The following SENP7 variants were observed in gnomAD, a reference collection of about 807,000 sequenced individuals.
SENP7 encodes sentrin-specific protease 7.
SENP7 carries 64 observed loss-of-function variants against 141.2 expected under a neutral mutation model. That is an observed-to-expected ratio of 0.45 (90% CI 0.37 to 0.56). SENP7 has a LOEUF of 0.56. Ranked by LOEUF, SENP7 falls within the 20% of genes least tolerant of loss-of-function variation. The probability of loss-of-function intolerance (pLI) is 0.00; values close to 1 mark genes in which losing one functional copy is unlikely to be tolerated. For missense variants in SENP7, 1,025 were observed against 1,212.2 expected, an observed-to-expected ratio of 0.85 and a Z score of 2.29; for synonymous variants, 382 against 426.4, an observed-to-expected ratio of 0.90 and a Z score of 1.28.
At chr3:101,377,593 T>A (rs1336736100) in intron 6 of SENP7, among the ~76,000 whole-genome samples, 1 of 152,162 alleles carries the variant, frequency 6.6e-6, no homozygotes, top group Non-Finnish European at 1.5e-5. Flanking sequence ...AAGGAAAACA[T>A]TTTCAAATAT....
At chr3:101,512,989 T>G in intron 1 of SENP7, 102 bp downstream of exon 1, 16 of 1,097,698 alleles carry the variant, frequency 1.5e-5, no homozygotes, top group Non-Finnish European at 1.9e-5. Flanking sequence ...GCCCCCGCCC[T>G]CGCCCCCGCG....
intron 3 of SENP7, among the ~76,000 whole-genome samples, chr3:101,491,995 G>C (rs537067561): frequency 1.3e-5 from 2 of 152,328 alleles, no homozygotes; most frequent in East Asian, 3.9e-4. Flanking sequence ...GGGAGGCTGA[G>C]GCAGGAGAAT....
At chr3:101,367,579 GA>G (rs2060069902) in intron 8 of SENP7, among the ~76,000 whole-genome samples, 1 of 152,018 alleles carries the variant, frequency 6.6e-6, no homozygotes, top group Non-Finnish European at 1.5e-5. Flanking sequence ...AGGAAAGAGC[GA>G]TACAAGAAAA....
At chr3:101,499,535 A>ATTTTTT (rs55855998) in intron 2 of SENP7, among the ~76,000 whole-genome samples, 51 of 138,718 alleles carry the variant, frequency 3.7e-4, no homozygotes, top group African/African-American at 6.3e-4. Flanking sequence ...TGCCCAGCTA[A>ATTTTTT]TTTTTTTTTT....
At chr3:101,426,483 ATT>A (rs59964136) in intron 4 of SENP7, among the ~76,000 whole-genome samples, 192 of 143,164 alleles carry the variant, frequency 1.3e-3, no homozygotes, top group African/African-American at 2.0e-3. Context: ...GAGAAATAAG[ATT>A]TTTTTTTTTT....
At chr3:101,336,269 C>T (rs1003841638) in intron 17 of SENP7, among the ~76,000 whole-genome samples, 2 of 152,154 alleles carry the variant, frequency 1.3e-5, no homozygotes, top group African/African-American at 2.4e-5. Flanking sequence ...ATTAGTGTCC[C>T]TATTCCTACC....
intron 6 of SENP7, among the ~76,000 whole-genome samples, chr3:101,375,319 G>A (rs2060290616): frequency 6.6e-6 from 1 of 151,866 alleles, no homozygotes; most frequent in Non-Finnish European, 1.5e-5. Flanking sequence ...GAGGCGGGCG[G>A]ATCACCTGAG....
At chr3:101,422,152 C>A (rs372593798) in intron 4 of SENP7, among the ~76,000 whole-genome samples, 1 of 152,044 alleles carries the variant, frequency 6.6e-6, no homozygotes, top group Non-Finnish European at 1.5e-5. Context: ...ACTTCACATG[C>A]GAGGGATCTA....
chr3:101,459,764 G>A (rs920302396), intron 3 of SENP7, among the ~76,000 whole-genome samples: 7 of 152,104 alleles, frequency 4.6e-5, no homozygotes, highest in African/African-American at 1.4e-4. Flanking sequence ...TGTAGTCCAC[G>A]ATTCGCAATA....
chr3:101,372,258 TA>T (rs532238701), intron 6 of SENP7, 132 bp from the exon 7 acceptor site: 242 of 433,402 alleles, frequency 5.6e-4, no homozygotes, highest in African/African-American at 2.4e-3. Flanking sequence ...ATCTGGGTAG[TA>T]AAAAAAATAT....
chr3:101,413,744 G>A, intron 5 of SENP7, among the ~76,000 whole-genome samples: 1 of 150,850 alleles, frequency 6.6e-6, no homozygotes. Context: ...GGAGGGGGGG[G>A]ATAGTTTCCA....
intron 4 of SENP7, among the ~76,000 whole-genome samples, chr3:101,424,310 A>G (rs2061882711): frequency 7.8e-6 from 1 of 128,834 alleles, no homozygotes; most frequent in African/African-American, 3.0e-5. Flanking sequence ...GCCCATGGCA[A>G]CCCACCCCCC....
chr3:101,512,650 T>A (rs959076728), intron 1 of SENP7, among the ~76,000 whole-genome samples: 5 of 152,060 alleles, frequency 3.3e-5, no homozygotes, highest in African/African-American at 1.2e-4. Flanking sequence ...AGCAGCTACC[T>A]GCTGAGGGAA....
chr3:101,327,016 T>C (rs1200497914), intron 23 of SENP7, among the ~76,000 whole-genome samples: 2 of 152,150 alleles, frequency 1.3e-5, no homozygotes, highest in Non-Finnish European at 2.9e-5. Flanking sequence ...TCTTCAGCTC[T>C]AGAACGTCTA....
chr3:101,342,021 G>A (rs888730308), intron 14 of SENP7, among the ~76,000 whole-genome samples: 2 of 151,966 alleles, frequency 1.3e-5, no homozygotes, highest in African/African-American at 2.4e-5. Flanking sequence ...CAGAATTAAA[G>A]AAGAATATAA....
At position 101,472,481 on chromosome 3, in the gene SENP7, T is replaced by A. The variant is rs140120500; in HGVS notation, c.187-13429A>T. ...TCACTTGGACACAGGGCGGGGAACA[T>A]CACACACTGGGACCTGTCGCGGGGT... On this transcript the variant is annotated intron_variant, in intron 3 of 23. Coordinates refer to ENST00000394095, the MANE Select transcript of SENP7 (RefSeq NM_020654.5). Among the ~76,000 whole-genome samples, 1,231 of 151,894 alleles carry A rather than the reference T, an allele frequency of 8.1e-3. 19 individuals carry two copies. Among genetic ancestry groups the A allele is most frequent in the African/African-American group, 0.029 (1,183 of 41,440 alleles).
At chr3:101,332,733 C>T (rs1239109695) in intron 18 of SENP7, 37 bp downstream of exon 18, 3 of 1,373,392 alleles carry the variant, frequency 2.2e-6, no homozygotes, top group African/African-American at 1.5e-5. Context: ...TTTCTGAATT[C>T]TTTCCAATAT....
intron 16 of SENP7, among the ~76,000 whole-genome samples, chr3:101,338,792 G>T (rs1426900301): frequency 6.6e-6 from 1 of 152,122 alleles, no homozygotes; most frequent in African/African-American, 2.4e-5. Context: ...CGTAATTCCT[G>T]AGACATTGGG....
chr3:101,392,289 C>T (rs998235535), intron 6 of SENP7, among the ~76,000 whole-genome samples: 1 of 152,106 alleles, frequency 6.6e-6, no homozygotes, highest in African/African-American at 2.4e-5. Flanking sequence ...TCCCTCTTTC[C>T]AGATGACATG....
Sources: allele counts gnomAD v4.1 joint callset (sites outside exome capture counted in the v4.1 genomes callset), GRCh38; gene constraint gnomAD v4.1.1; transcripts MANE v1.5; gene names NCBI Gene and HGNC (gene_info 2026-07-23, HGNC 2026-07-21).